EIF4G3: variants seen among roughly 807,000 people sequenced by gnomAD.
EIF4G3 encodes the protein eukaryotic translation initiation factor 4 gamma 3, also known as eIF-4-gamma 3.
EIF4G3 carries 34 observed loss-of-function variants against 186.4 expected under a neutral mutation model. The observed-to-expected ratio is 0.18, with a 90% confidence interval of 0.14 to 0.24. The LOEUF is 0.24. Ranked by LOEUF, EIF4G3 falls within the 10% of genes least tolerant of loss-of-function variation. EIF4G3 has a pLI of 1.00. For missense variants in EIF4G3, 1,536 were observed against 1,948.5 expected, an observed-to-expected ratio of 0.79 and a Z score of 3.99; for synonymous variants, 673 against 679.5, an observed-to-expected ratio of 0.99 and a Z score of 0.15.
intron 3 of EIF4G3, chr1:21,065,045 G>A (rs1258613393): frequency 6.6e-6 from 1 of 152,012 alleles, no homozygotes; most frequent in South Asian, 2.1e-4. Flanking sequence ...TAAAACTAAT[G>A]CCTTACTATT....
intron 4 of EIF4G3, among the ~76,000 whole-genome samples, chr1:21,036,498 C>T (rs547965076): frequency 6.6e-6 from 1 of 152,300 alleles, no homozygotes; most frequent in East Asian, 1.9e-4. Context: ...CTCTCATTAC[C>T]TTTCTTTAAA....
intron 29 of EIF4G3, 51 bp from the exon 30 acceptor site, chr1:20,841,079 A>C (rs1312307678): frequency 5.7e-6 from 9 of 1,574,018 alleles, no homozygotes; most frequent in South Asian, 5.7e-5. Flanking sequence ...TAGTGTTACC[A>C]GAATGTTAAG....
chr1:20,843,258 G>A (rs79995112), intron 29 of EIF4G3, among the ~76,000 whole-genome samples: 7 of 151,674 alleles, frequency 4.6e-5, no homozygotes, highest in African/African-American at 1.5e-4. Flanking sequence ...GCTCACACCT[G>A]TAATCCCAGC....
At chr1:20,934,342 G>A (rs902170756) in intron 14 of EIF4G3, among the ~76,000 whole-genome samples, 1 of 152,160 alleles carries the variant, frequency 6.6e-6, no homozygotes, top group Non-Finnish European at 1.5e-5. Context: ...TACCATTTAA[G>A]TGGCAGCTAA....
chr1:20,943,967 ATTTTTTTTGTGTGTGTGT>A lies in EIF4G3; in HGVS notation c.824-1655_824-1638del, dbSNP rs1360710686. ...AAATATTTCAGGAAAACTTGTCTTT[ATTTTTTTTGTGTGTGTGT>A]GTGTGTGTGTGTGTGTGTGTGTGTG... On this transcript the variant is annotated intron_variant, in intron 13 of 36. Coordinates refer to ENST00000602326, the MANE Select transcript of EIF4G3 (RefSeq NM_001391906.1). 5.5e-4 allele frequency among the ~76,000 whole-genome samples: 36 copies of A among 65,372 alleles called. 1 individual carries two copies. The highest frequency in any genetic ancestry group is 1.5e-3 in the Admixed American group (9 of 6,194). The allele number at this position is 65,372 out of a possible 152,430, so 42.9% of individuals were successfully genotyped here. A position where few individuals can be genotyped will look rare whatever the true frequency, so the allele number is the denominator to read the frequency against.
chr1:20,900,830 G>A (rs2090041251), intron 15 of EIF4G3, among the ~76,000 whole-genome samples: 1 of 152,194 alleles, frequency 6.6e-6, no homozygotes, highest in Non-Finnish European at 1.5e-5. Flanking sequence ...TGGTTCAGCA[G>A]AGGATAGTGT....
intron 3 of EIF4G3, among the ~76,000 whole-genome samples, chr1:21,055,941 A>G (rs1481624533): frequency 3.9e-5 from 6 of 152,188 alleles, no homozygotes; most frequent in African/African-American, 1.4e-4. Context: ...TGAAAGAACA[A>G]TTTAAATTAT....
chr1:20,917,574 C>A (rs573746119), intron 14 of EIF4G3, among the ~76,000 whole-genome samples: 1 of 152,258 alleles, frequency 6.6e-6, no homozygotes, highest in South Asian at 2.1e-4. Context: ...GCAAACTAAT[C>A]TGTAGTGACA....
intron 4 of EIF4G3, among the ~76,000 whole-genome samples, chr1:21,037,387 G>C (rs1442038008): frequency 6.6e-6 from 1 of 152,116 alleles, no homozygotes; most frequent in Non-Finnish European, 1.5e-5. Flanking sequence ...TCATATGGGG[G>C]GAAGCAGTTT....
chr1:20,825,241 AGAAGAAACAG>A, intron 32 of EIF4G3, 43 bp from the exon 33 acceptor site: 2 of 945,110 alleles, frequency 2.1e-6, no homozygotes, highest in East Asian at 2.6e-5. Flanking sequence ...TCACAGTGGA[AGAAGAAACAG>A]AAAAAAAAAA....
intron 33 of EIF4G3, among the ~76,000 whole-genome samples, chr1:20,822,533 TTA>T (rs1251626105): frequency 6.6e-6 from 1 of 151,466 alleles, no homozygotes; most frequent in African/African-American, 2.4e-5. Context: ...ATAATGTTTA[TTA>T]TTTCCTTTAT....
chr1:21,092,977 G>C lies in EIF4G3; in HGVS notation c.-271-3764C>G, dbSNP rs569898651. Reference sequence around the variant, plus strand: ...AGATGGATTAAAGACTTAAATGTTAGATCTAAAACCATAAAAACCCTAGAA... The same window carrying C: ...AGATGGATTAAAGACTTAAATGTTACATCTAAAACCATAAAAACCCTAGAA... On this transcript the variant is annotated intron_variant, in intron 2 of 36. Transcript: ENST00000602326. Among the ~76,000 whole-genome samples, 6 of 152,154 alleles carry C rather than the reference G, an allele frequency of 3.9e-5. No individual in the cohort carries two copies. The South Asian group carries it at 1.0e-3, about 26-fold the overall frequency.
intron 2 of EIF4G3, among the ~76,000 whole-genome samples, chr1:21,168,266 G>A (rs1396092296): frequency 9.9e-5 from 15 of 151,936 alleles, no homozygotes; most frequent in Admixed American, 7.2e-4. Context: ...TTAGCCGGTC[G>A]TGGTGGAGGG....
chr1:21,064,137 T>A (rs2095104338), intron 3 of EIF4G3, among the ~76,000 whole-genome samples: 1 of 152,186 alleles, frequency 6.6e-6, no homozygotes, highest in African/African-American at 2.4e-5. Flanking sequence ...GACTGTCTTA[T>A]AAAATCCTGC....
intron 29 of EIF4G3, among the ~76,000 whole-genome samples, chr1:20,848,735 T>C (rs1347672139): frequency 2.0e-5 from 3 of 151,990 alleles, no homozygotes; most frequent in African/African-American, 4.8e-5. Context: ...AATATGAGAA[T>C]GATAACAGAA....
In EIF4G3 at chr1:20,981,038, G is replaced by A; in HGVS notation, c.378+10C>T. 1 of 1,528,442 alleles carries A rather than the reference G, an allele frequency of 6.5e-7. No homozygotes were observed. The allele number at this position is 1,528,442 out of a possible 1,614,324, so 94.7% of individuals were successfully genotyped here. On this transcript the variant is annotated intron_variant, in intron 9 of 36. Transcript: ENST00000602326. ...ATTGCTGGACCACCTAGGCCTCAAAGATACTTTACCTGTGGTATACAGTAC... is the reference window on the plus strand; with the variant it reads ...ATTGCTGGACCACCTAGGCCTCAAAAATACTTTACCTGTGGTATACAGTAC...
At chr1:20,894,866 T>C (rs1572345757) in intron 17 of EIF4G3, among the ~76,000 whole-genome samples, 1 of 152,178 alleles carries the variant, frequency 6.6e-6, no homozygotes, top group Non-Finnish European at 1.5e-5. Context: ...GGATGCCTAT[T>C]TGCACAAGAT....
At chr1:21,163,816 G>C (rs1202791701) in intron 2 of EIF4G3, among the ~76,000 whole-genome samples, 7 of 152,144 alleles carry the variant, frequency 4.6e-5, no homozygotes, top group Non-Finnish European at 1.0e-4. Flanking sequence ...CTGTAGCCCA[G>C]GCTGGAGTAC....
intron 4 of EIF4G3, among the ~76,000 whole-genome samples, chr1:21,005,682 A>T (rs1279222824): frequency 6.6e-6 from 1 of 152,176 alleles, no homozygotes; most frequent in Non-Finnish European, 1.5e-5. Context: ...TCAAAGATAA[A>T]GTTCTTTTGT....
Sources: gnomAD v4.1 joint callset for allele counts (sites outside exome capture counted in the v4.1 genomes callset) on GRCh38, gnomAD v4.1.1 for gene constraint, MANE v1.5 for transcripts, NCBI Gene and HGNC (gene_info 2026-07-23, HGNC 2026-07-21) for gene names.